Variants in PARP8 observed in about 807,000 individuals in gnomAD.
The protein encoded by PARP8 is poly(ADP-ribose) polymerase family member 8.
Under a neutral mutation model 124.1 loss-of-function variants are expected in PARP8, and 51 were observed. The ratio of observed to expected loss-of-function variants is 0.41; its 90% CI spans 0.33 to 0.52. The LOEUF (loss-of-function observed/expected upper bound fraction) is 0.52. Among genes scored for constraint, PARP8 ranks in the 20% least tolerant of loss-of-function variants. The pLI is 0.21. For synonymous variants in PARP8, 391 were observed against 361.5 expected, an observed-to-expected ratio of 1.08 and a Z score of -0.93; for missense variants, 860 against 1,018.9, an observed-to-expected ratio of 0.84 and a Z score of 2.12.
At chr5:50,737,046 T>C (rs1039956409) in intron 2 of PARP8, among the ~76,000 whole-genome samples, 2 of 152,156 alleles carry the variant, frequency 1.3e-5, no homozygotes, top group Non-Finnish European at 2.9e-5. Flanking sequence ...TCCACCTGAT[T>C]TTTATCTTCA....
chr5:50,769,965 A>G (rs1405405359), intron 7 of PARP8, among the ~76,000 whole-genome samples: 4 of 152,116 alleles, frequency 2.6e-5, no homozygotes, highest in African/African-American at 9.6e-5. Context: ...TAAGTTTTAC[A>G]CACAATTTAG....
chr5:50,819,637 C>T (rs759824926), intron 15 of PARP8, among the ~76,000 whole-genome samples: 1 of 151,882 alleles, frequency 6.6e-6, no homozygotes, highest in Non-Finnish European at 1.5e-5. Flanking sequence ...GACGGGGTTT[C>T]ACCACATTGG....
intron 7 of PARP8, among the ~76,000 whole-genome samples, chr5:50,770,083 T>A (rs1283774543): frequency 6.6e-6 from 1 of 152,158 alleles, no homozygotes. Flanking sequence ...TCAGTATATT[T>A]GCAACATTTC....
chr5:50,794,975 A>T lies in PARP8; in HGVS notation c.986A>T (p.Asp329Val), dbSNP rs761281699. 4.3e-6 allele frequency: 7 copies of T among 1,614,192 alleles called. No homozygotes were observed. The South Asian group carries it at 7.7e-5, about 18-fold the overall frequency. The change falls in exon 12 of 26, where the codon GAT becomes GTT. Residue 329 changes from aspartate to valine, a missense_variant. Physicochemically the swap from Asp to Val is radical, Grantham distance 152 (BLOSUM62 -3). Coordinates refer to ENST00000281631, the MANE Select transcript of PARP8 (RefSeq NM_024615.4). ...ACTTGTTCCAGCACAGTCAAGACTG[A>T]TGATGTGTGTGTCACAAAGTCACAC... ...RRTCSSTVKT[D>V]DVCVTKSHRT...
chr5:50,730,540 G>A (rs1415697897), intron 2 of PARP8, among the ~76,000 whole-genome samples: 2 of 152,088 alleles, frequency 1.3e-5, no homozygotes, highest in Non-Finnish European at 2.9e-5. Context: ...ACCTCCCACC[G>A]GGTCCCTCCT....
chr5:50,746,850 G>A (rs1414126103), intron 2 of PARP8, among the ~76,000 whole-genome samples: 1 of 152,020 alleles, frequency 6.6e-6, no homozygotes, highest in Non-Finnish European at 1.5e-5. Flanking sequence ...AATATAACAA[G>A]ACCCCTGTCT....
intron 14 of PARP8, among the ~76,000 whole-genome samples, chr5:50,807,462 G>A (rs552598567): frequency 6.6e-6 from 1 of 152,114 alleles, no homozygotes; most frequent in Admixed American, 6.6e-5. Flanking sequence ...CAAATGCATA[G>A]TTCTCTCCAT....
At chr5:50,702,150 C>A (rs1407160900) in intron 2 of PARP8, among the ~76,000 whole-genome samples, 2 of 152,078 alleles carry the variant, frequency 1.3e-5, no homozygotes, top group Admixed American at 6.6e-5. Flanking sequence ...ATAAAAGGAA[C>A]ATCTCTTAAC....
At chr5:50,754,994 G>C (rs1324272444) in intron 3 of PARP8, among the ~76,000 whole-genome samples, 1 of 152,168 alleles carries the variant, frequency 6.6e-6, no homozygotes, top group Non-Finnish European at 1.5e-5. Context: ...TTTGAGAAGT[G>C]TCTGTTCATA....
At chr5:50,774,866 C>T (rs1371208010) in intron 7 of PARP8, among the ~76,000 whole-genome samples, 5 of 145,114 alleles carry the variant, frequency 3.4e-5, no homozygotes, top group Non-Finnish European at 7.5e-5. Context: ...GGCAGAGACG[C>T]TCCTCACATC....
chr5:50,777,920 G>C, intron 7 of PARP8, 149 bp from the exon 8 acceptor site: 1 of 648,574 alleles, frequency 1.5e-6, no homozygotes. Context: ...TAGATTATTA[G>C]TTATTTCATA....
intron 2 of PARP8, among the ~76,000 whole-genome samples, chr5:50,723,517 T>G (rs529605449): frequency 6.6e-6 from 1 of 152,170 alleles, no homozygotes; most frequent in South Asian, 2.1e-4. Flanking sequence ...TGTGGTTGAT[T>G]TGTATTTAAT....
intron 2 of PARP8, among the ~76,000 whole-genome samples, chr5:50,692,662 C>A (rs1486616189): frequency 6.6e-6 from 1 of 151,972 alleles, no homozygotes; most frequent in Non-Finnish European, 1.5e-5. Flanking sequence ...CCTATGGTTT[C>A]TTTTTCTTGA....
chr5:50,693,978 G>A lies in PARP8; in HGVS notation c.146+25853G>A, dbSNP rs561122313. On this transcript the variant is annotated intron_variant, in intron 2 of 25. Transcript: ENST00000281631. ...ACTTTTATTTATTATGTATAAAGAA[G>A]GATTATCCTAAACCCCTAAATGGTG... Among the ~76,000 whole-genome samples, 7 of 151,972 alleles carry A rather than the reference G, an allele frequency of 4.6e-5. No individual in the cohort carries two copies. In the South Asian group the frequency reaches 1.5e-3, roughly 32 times the overall value.
intron 2 of PARP8, among the ~76,000 whole-genome samples, chr5:50,685,613 T>C (rs2149451642): frequency 6.6e-6 from 1 of 152,342 alleles, no homozygotes. Flanking sequence ...TTTATTTTTA[T>C]AGAGATAGGG....
chr5:50,827,842 T>C, intron 19 of PARP8, 102 bp from the exon 20 acceptor site: 1 of 811,768 alleles, frequency 1.2e-6, no homozygotes, highest in South Asian at 1.6e-5. Context: ...TACTATAGTT[T>C]GAAAGTGGGT....
At chr5:50,682,593 CAG>C (rs1046521451) in intron 2 of PARP8, among the ~76,000 whole-genome samples, 77 of 152,198 alleles carry the variant, frequency 5.1e-4, no homozygotes, top group African/African-American at 1.7e-3. Context: ...TCCCACAGCA[CAG>C]AGAGAGAATA....
At chr5:50,810,933 A>C (rs1021500868) in intron 14 of PARP8, among the ~76,000 whole-genome samples, 4 of 152,034 alleles carry the variant, frequency 2.6e-5, no homozygotes, top group African/African-American at 9.7e-5. Flanking sequence ...AGGAAAGATA[A>C]AATTATTTTT....
chr5:50,759,556 A>G (rs1479471972), intron 3 of PARP8, 87 bp from the exon 4 acceptor site: 2 of 1,353,318 alleles, frequency 1.5e-6, no homozygotes, highest in Non-Finnish European at 1.9e-6. Context: ...AACTAAAGTG[A>G]TGTGCATATA....
Sources: gnomAD v4.1 joint callset for allele counts (sites outside exome capture counted in the v4.1 genomes callset) on GRCh38, gnomAD v4.1.1 for gene constraint, MANE v1.5 for transcripts, NCBI Gene and HGNC (gene_info 2026-07-23, HGNC 2026-07-21) for gene names.